AVL9: variants seen among roughly 807,000 people sequenced by gnomAD.
AVL9 encodes the protein late secretory pathway protein AVL9 homolog.
A neutral mutation model predicts 79.2 loss-of-function variants in AVL9; 49 were observed. The observed-to-expected ratio is 0.62, with a 90% CI of 0.49 to 0.79. AVL9 has a LOEUF of 0.79. AVL9 is among the 30% of genes least tolerant of loss of function. The pLI is 0.00. For synonymous variants in AVL9, 299 were observed against 280.6 expected, an observed-to-expected ratio of 1.07 and a Z score of -0.65; for missense variants, 682 against 776.8, an observed-to-expected ratio of 0.88 and a Z score of 1.45.
At chr7:32,580,636 ATAAAT>A in intron 14 of AVL9, 161 bp from the exon 15 acceptor site, 1 of 602,516 alleles carries the variant, frequency 1.7e-6, no homozygotes, top group Non-Finnish European at 2.9e-6. Context: ...TAAAAGGTTA[ATAAAT>A]TAATTCATAA....
intron 13 of AVL9, among the ~76,000 whole-genome samples, 184 bp downstream of exon 13, chr7:32,576,256 T>C (rs1785172965): frequency 6.6e-6 from 1 of 152,186 alleles, no homozygotes; most frequent in African/African-American, 2.4e-5. Flanking sequence ...CAGATTGTTA[T>C]ACAAAAAGCA....
In AVL9 at chr7:32,559,395, C is replaced by G; in HGVS notation, c.1146C>G (p.Val382=). ...VQPQANTGQV[V]LIPGLISGLE... is the part of the protein sequence containing the mutation. ...CTCAAGCTAATACGGGACAGGTAGT[C>G]CTGATACCAGGGCTCATTTCGGGTT... Residue 382 remains valine, a synonymous_variant, in exon 10 of 16, where the codon GTC becomes GTG. Coordinates refer to ENST00000318709, the MANE Select transcript of AVL9 (RefSeq NM_015060.3). The G allele has an allele frequency of 6.2e-7, 1 of 1,612,064 alleles. No individual in the cohort carries two copies. Among genetic ancestry groups the G allele is most frequent in the South Asian group, 1.1e-5 (1 of 90,910 alleles).
intron 10 of AVL9, among the ~76,000 whole-genome samples, chr7:32,567,408 G>A (rs1273979093): frequency 6.6e-6 from 1 of 152,020 alleles, no homozygotes; most frequent in Non-Finnish European, 1.5e-5. Flanking sequence ...AGCAAGTAAT[G>A]CTACAATTTT....
At chr7:32,509,042 A>T (rs1444000620) in intron 1 of AVL9, among the ~76,000 whole-genome samples, 2 of 152,222 alleles carry the variant, frequency 1.3e-5, no homozygotes, top group Non-Finnish European at 2.9e-5. Flanking sequence ...GTTTGAGGAC[A>T]GCACTTCTTT....
At chr7:32,535,792 T>G (rs1433932609) in intron 1 of AVL9, 1 of 152,200 alleles carries the variant, frequency 6.6e-6, no homozygotes, top group Non-Finnish European at 1.5e-5. Context: ...TCTTGAATTA[T>G]ATTCCCCATA....
chr7:32,556,242 C>T (rs1425089343), intron 8 of AVL9, among the ~76,000 whole-genome samples: 1 of 152,114 alleles, frequency 6.6e-6, no homozygotes, highest in Non-Finnish European at 1.5e-5. Flanking sequence ...AGGCTGGGCA[C>T]AGTGGCTCAC....
rs1266011208 is a variant in AVL9, at chr7:32,559,051, G to A, written c.802G>A (p.Asp268Asn). 6.2e-7 allele frequency: 1 copy of A among 1,614,100 alleles called. No homozygotes were observed. The highest frequency in any genetic ancestry group is 2.2e-5 in the East Asian group (1 of 44,874). ...TGATTTTGTTTCTGCATCCACTGCT[G>A]ATGTTTCACATACCAACTTGGGAAC... Reference protein sequence around the residue: ...ADDFVSASTADVSHTNLGTIR... With the variant: ...ADDFVSASTANVSHTNLGTIR... The change falls in exon 10 of 16, where the codon GAT (aspartate) becomes AAT (asparagine). Residue 268 changes from aspartate (D) to asparagine (N), a missense_variant. Asp to Asn is a conservative substitution (Grantham distance 23). Coordinates refer to ENST00000318709, the MANE Select transcript of AVL9 (RefSeq NM_015060.3).
At position 32,579,494 on chromosome 7, in the gene AVL9, C is replaced by CATATTAT. The variant is rs1159169825; in HGVS notation, c.1689-708_1689-702dup. 1.8e-3 allele frequency among the ~76,000 whole-genome samples: 3 copies of CATATTAT among 1,640 alleles called. 1 individual carries two copies. The highest frequency in any genetic ancestry group is 2.5e-3 in the Non-Finnish European group (3 of 1,178). 1.1% of individuals were successfully genotyped at this position (1,640 alleles called of 152,430 possible). On this transcript the variant is annotated intron_variant, in intron 13 of 15. Transcript: ENST00000318709. ...ATATTATATTATATATAATATATTA[C>CATATTAT]ATATTATATATTATATATTATATTA... is the stretch of plus-strand genomic sequence containing the variant.
At chr7:32,537,715 C>G (rs1172616636) in intron 1 of AVL9, 1 of 152,154 alleles carries the variant, frequency 6.6e-6, no homozygotes, top group East Asian at 1.9e-4. Flanking sequence ...CTGCCTGCCT[C>G]GGTCCCCCAA....
At chr7:32,534,235 A>G (rs1326201195) in intron 1 of AVL9, 1 of 152,208 alleles carries the variant, frequency 6.6e-6, no homozygotes, top group Non-Finnish European at 1.5e-5. Context: ...GTAATCTTGT[A>G]AATCTAAAAA....
chr7:32,495,628 G>GA lies in AVL9; in HGVS notation c.-82_-81insA, dbSNP rs1562742615. 2 of 973,940 alleles carry GA rather than the reference G, an allele frequency of 2.1e-6. No individual in the cohort carries two copies. The highest frequency in any genetic ancestry group is 3.4e-5 in the African/African-American group (2 of 59,120). 60.3% of individuals were successfully genotyped at this position (973,940 alleles called of 1,614,324 possible). The stretch of plus-strand genomic sequence containing the variant: ...CTGTGCTCGCTGACACCCGAAGTCC[G>GA]CGGCTTTCCGCACACGGTGGGGTCG... On this transcript the variant is annotated 5_prime_UTR_variant, in exon 1 of 16. Transcript: ENST00000318709.
At chr7:32,524,235 G>A (rs886444262) in intron 1 of AVL9, among the ~76,000 whole-genome samples, 3 of 151,916 alleles carry the variant, frequency 2.0e-5, no homozygotes, top group African/African-American at 7.3e-5. Context: ...GTATTACATC[G>A]CTGGGCACGG....
At chr7:32,532,705 T>G (rs542591445) in intron 1 of AVL9, 3 of 152,310 alleles carry the variant, frequency 2.0e-5, no homozygotes, top group Non-Finnish European at 4.4e-5. Context: ...TGTATAAAAG[T>G]ACATGCTTTA....
rs946868174 is a variant in AVL9 at position 32,511,125 on chromosome 7, T to C, written c.93+15323T>C. On this transcript the variant is annotated intron_variant, in intron 1 of 15. Transcript: ENST00000318709. ...GGAAACCATCTCCCCAGGGTAAGAT[T>C]TGTGAGCCGTCAGGTCTGGTTGTAG... Among the ~76,000 whole-genome samples the C allele has an allele frequency of 8.4e-5, 12 of 142,894 alleles. 1 individual carries two copies. Among genetic ancestry groups the C allele is most frequent in the African/African-American group, 2.8e-4 (11 of 38,738 alleles). The allele number at this position is 142,894 out of a possible 152,430, so 93.7% of individuals were successfully genotyped here. A position where few individuals can be genotyped will look rare whatever the true frequency, so the allele number is the denominator to read the frequency against.
intron 10 of AVL9, among the ~76,000 whole-genome samples, chr7:32,564,985 G>C (rs1200173250): frequency 1.3e-5 from 2 of 152,200 alleles, no homozygotes; most frequent in African/African-American, 4.8e-5. Flanking sequence ...AGATACAGTA[G>C]CTATTTTCTG....
In AVL9 at chr7:32,518,212, A is replaced by G. The variant is rs941151355; in HGVS notation, c.93+22410A>G. ...AATCTTGAATTATGTGGTAAAATAA[A>G]CATATATTTAATGTTAAGTTTCTTA... On this transcript the variant is annotated intron_variant, in intron 1 of 15. Transcript: ENST00000318709. 2.0e-5 allele frequency among the ~76,000 whole-genome samples: 3 copies of G among 152,350 alleles called. No homozygotes were observed. In the East Asian group the frequency reaches 5.8e-4, roughly 29 times the overall value.
chr7:32,501,530 T>C (rs545642414), intron 1 of AVL9, among the ~76,000 whole-genome samples: 1 of 152,326 alleles, frequency 6.6e-6, no homozygotes, highest in South Asian at 2.1e-4. Context: ...TTTTTGTATA[T>C]GCTGAAATTA....
intron 1 of AVL9, among the ~76,000 whole-genome samples, chr7:32,525,876 G>A (rs543416509): frequency 6.6e-6 from 1 of 152,116 alleles, no homozygotes; most frequent in Admixed American, 6.5e-5. Flanking sequence ...CTGTTTTTGG[G>A]GGGGAAAAAC....
intron 1 of AVL9, among the ~76,000 whole-genome samples, chr7:32,540,446 T>C (rs1789127752): frequency 6.6e-6 from 1 of 152,206 alleles, no homozygotes; most frequent in Non-Finnish European, 1.5e-5. Flanking sequence ...AAGGCATTTA[T>C]AGGGTGAATA....
Sources: gnomAD v4.1 joint callset for allele counts (sites outside exome capture counted in the v4.1 genomes callset) on GRCh38, gnomAD v4.1.1 for gene constraint, MANE v1.5 for transcripts, NCBI Gene and HGNC (gene_info 2026-07-23, HGNC 2026-07-21) for gene names.